Variants in BRINP1 observed in about 807,000 individuals in gnomAD.
BRINP1 encodes BMP/retinoic acid-inducible neural-specific protein 1.
Under a neutral mutation model 72.9 loss-of-function variants are expected in BRINP1, and 17 were observed. The ratio of observed to expected loss-of-function variants is 0.23; its 90% confidence interval spans 0.16 to 0.35. BRINP1 has a LOEUF of 0.35. BRINP1 is among the 10% of genes least tolerant of loss of function. The probability of loss-of-function intolerance (pLI) is 1.00; values close to 1 mark genes in which losing one functional copy is unlikely to be tolerated. For synonymous variants in BRINP1, 418 were observed against 378.5 expected (o/e 1.10, Z -1.21); for missense variants, 850 against 1,001.6 (o/e 0.85, Z 2.04).
chr9:119,323,948 AC>A (rs5900395), intron 1 of BRINP1, among the ~76,000 whole-genome samples: 38,526 of 152,052 alleles, frequency 0.25, 5,868 homozygotes, highest in Non-Finnish European at 0.33. Flanking sequence ...ATAGAGGTGA[AC>A]CCCCCAAATT....
intron 1 of BRINP1, among the ~76,000 whole-genome samples, chr9:119,350,453 T>C (rs1239916084): frequency 6.6e-6 from 1 of 152,168 alleles, no homozygotes; most frequent in Non-Finnish European, 1.5e-5. Context: ...CTTGGGTGCT[T>C]TCTCCTACAG....
chr9:119,262,337 C>T (rs1053894545), intron 2 of BRINP1, among the ~76,000 whole-genome samples: 1 of 151,870 alleles, frequency 6.6e-6, no homozygotes, highest in Non-Finnish European at 1.5e-5. Context: ...ATATTTTGTC[C>T]TCCTTAAAAG....
chr9:119,221,604 G>T (rs1395759479), intron 5 of BRINP1, among the ~76,000 whole-genome samples: 1 of 152,132 alleles, frequency 6.6e-6, no homozygotes, highest in Non-Finnish European at 1.5e-5. Flanking sequence ...ATGAGGAAAG[G>T]CAGATACCTG....
chr9:119,347,469 T>G (rs922277835), intron 1 of BRINP1, among the ~76,000 whole-genome samples: 20 of 152,208 alleles, frequency 1.3e-4, no homozygotes, highest in Non-Finnish European at 2.8e-4. Context: ...CACCGTGTCC[T>G]GCACATACTG....
chr9:119,300,887 T>G (rs1830932108), intron 2 of BRINP1, among the ~76,000 whole-genome samples: 1 of 152,220 alleles, frequency 6.6e-6, no homozygotes. Context: ...TCATTTATTT[T>G]TGCTTCCATG....
intron 7 of BRINP1, among the ~76,000 whole-genome samples, chr9:119,191,294 C>G (rs1019424846): frequency 2.4e-4 from 36 of 151,370 alleles, no homozygotes; most frequent in African/African-American, 8.5e-4. Flanking sequence ...AGTAGCCAGA[C>G]AAGAAAAAGA....
chr9:119,247,775 T>A lies in BRINP1; in HGVS notation c.409+1185A>T, dbSNP rs1830339324. 2.0e-5 allele frequency among the ~76,000 whole-genome samples: 3 copies of A among 152,176 alleles called. No individual in the cohort carries two copies. In the South Asian group the frequency reaches 6.2e-4, roughly 32 times the overall value. On this transcript the variant is annotated intron_variant, in intron 3 of 7. Coordinates refer to ENST00000265922, the MANE Select transcript of BRINP1 (RefSeq NM_014618.3). The stretch of plus-strand genomic sequence containing the variant: ...ACTTAGCTTTATCACTTACTAGCTG[T>A]ACTTCTTCTGGGTCTCAGCTTCCTT...
chr9:119,301,508 G>T (rs1214177861), intron 2 of BRINP1, among the ~76,000 whole-genome samples: 1 of 152,186 alleles, frequency 6.6e-6, no homozygotes, highest in African/African-American at 2.4e-5. Flanking sequence ...AAAGGTTAGG[G>T]GTTATGGATG....
chr9:119,312,538 T>C (rs183794138), intron 2 of BRINP1, among the ~76,000 whole-genome samples: 1 of 152,166 alleles, frequency 6.6e-6, no homozygotes, highest in South Asian at 2.1e-4. Context: ...AGGAAAGAAT[T>C]TGGGCTAAGT....
chr9:119,249,856 G>GAA (rs1830362066), intron 2 of BRINP1, among the ~76,000 whole-genome samples: 1 of 16,202 alleles, frequency 6.2e-5, no homozygotes, highest in African/African-American at 3.4e-4. Context: ...GGAAGGAAGG[G>GAA]AGGGAGGGAG....
chr9:119,328,350 G>C (rs1191761699), intron 1 of BRINP1, among the ~76,000 whole-genome samples: 1 of 152,190 alleles, frequency 6.6e-6, no homozygotes, highest in Non-Finnish European at 1.5e-5. Flanking sequence ...TGAGTCAATG[G>C]AGACACAGAG....
chr9:119,208,624 A>G, intron 7 of BRINP1, 95 bp downstream of exon 7: 1 of 1,311,338 alleles, frequency 7.6e-7, no homozygotes, highest in South Asian at 1.3e-5. Context: ...CCACCCCACA[A>G]ATGCACCATC....
At chr9:119,350,225 G>T (rs973033681) in intron 1 of BRINP1, among the ~76,000 whole-genome samples, 3 of 152,140 alleles carry the variant, frequency 2.0e-5, no homozygotes, top group Admixed American at 6.5e-5. Flanking sequence ...GAGGATCTTA[G>T]TCTGAGATGC....
At chr9:119,229,838 T>A (rs1173118874) in intron 5 of BRINP1, among the ~76,000 whole-genome samples, 5 of 152,138 alleles carry the variant, frequency 3.3e-5, no homozygotes, top group Non-Finnish European at 4.4e-5. Flanking sequence ...GCTGAGTGAT[T>A]CATTCATGTA....
chr9:119,193,133 G>A (rs1344777560), intron 7 of BRINP1, among the ~76,000 whole-genome samples: 2 of 151,944 alleles, frequency 1.3e-5, no homozygotes, highest in Non-Finnish European at 2.9e-5. Context: ...TTATTGCATT[G>A]TTATTTTATT....
intron 7 of BRINP1, among the ~76,000 whole-genome samples, chr9:119,187,075 C>T (rs1385752913): frequency 2.0e-5 from 3 of 151,932 alleles, no homozygotes; most frequent in African/African-American, 7.3e-5. Flanking sequence ...ACGGTTACAT[C>T]GCTGCCATCT....
chr9:119,330,991 C>T (rs954677889), intron 1 of BRINP1, among the ~76,000 whole-genome samples: 1 of 152,156 alleles, frequency 6.6e-6, no homozygotes, highest in East Asian at 1.9e-4. Context: ...TGTGCCACTG[C>T]TCTCCAGTTT....
intron 5 of BRINP1, among the ~76,000 whole-genome samples, chr9:119,229,081 C>G (rs1397406826): frequency 6.6e-6 from 1 of 152,082 alleles, no homozygotes; most frequent in Admixed American, 6.6e-5. Flanking sequence ...TCCACTTTGA[C>G]TAACACAGTG....
At chr9:119,168,515 G>T (rs1829348893) in intron 7 of BRINP1, among the ~76,000 whole-genome samples, 1 of 132,298 alleles carries the variant, frequency 7.6e-6, no homozygotes, top group Admixed American at 8.1e-5. Flanking sequence ...CCAGCTCTTT[G>T]ATTCCATTAT....
Sources: gnomAD v4.1 joint callset for allele counts (sites outside exome capture counted in the v4.1 genomes callset) on GRCh38, gnomAD v4.1.1 for gene constraint, MANE v1.5 for transcripts, NCBI Gene and HGNC (gene_info 2026-07-23, HGNC 2026-07-21) for gene names.